Variants in CADM2 observed in about 807,000 individuals in gnomAD.
The protein encoded by CADM2 is immunoglobulin superfamily member 4D.
A neutral mutation model predicts 49.8 loss-of-function variants in CADM2; 12 were observed. That is an observed-to-expected ratio of 0.24 (90% CI 0.15 to 0.39). The LOEUF (loss-of-function observed/expected upper bound fraction) is 0.39. CADM2 is among the 10% of genes least tolerant of loss of function. CADM2 has a pLI of 1.00. For synonymous variants in CADM2, 214 were observed against 175.4 expected (o/e 1.22, Z -1.74); for missense variants, 378 against 492.3 (o/e 0.77, Z 2.20).
intron 3 of CADM2, among the ~76,000 whole-genome samples, chr3:85,853,934 A>G (rs1370223093): frequency 6.6e-6 from 1 of 152,188 alleles, no homozygotes; most frequent in Non-Finnish European, 1.5e-5. Flanking sequence ...TTAGGTGTAT[A>G]AATATAAAAG....
intron 1 of CADM2, among the ~76,000 whole-genome samples, chr3:85,294,510 G>C (rs966201950): frequency 5.3e-5 from 8 of 151,986 alleles, no homozygotes; most frequent in Non-Finnish European, 1.0e-4. Flanking sequence ...GAACAAAGCT[G>C]GAGGCATCAC....
chr3:85,878,353 A>C (rs756230342), intron 3 of CADM2, among the ~76,000 whole-genome samples: 4 of 152,136 alleles, frequency 2.6e-5, no homozygotes, highest in Non-Finnish European at 4.4e-5. Context: ...ACTATAATGA[A>C]GCTTACATAA....
At position 85,189,247 on chromosome 3, in the gene CADM2, A is replaced by C. The variant is rs186146501; in HGVS notation, c.61+229579A>C. Among the ~76,000 whole-genome samples the C allele has an allele frequency of 1.2e-3, 177 of 152,066 alleles. 3 individuals carry two copies. The East Asian group carries it at 0.024, about 20-fold the overall frequency. On this transcript the variant is annotated intron_variant, in intron 1 of 9. Coordinates refer to ENST00000383699, the MANE Select transcript of CADM2 (RefSeq NM_001167675.2). ...CATGCTTTTGATTTCTTGTGATTTG[A>C]AAGGAAGATGTTTTTCTCTGACAGA...
At chr3:85,780,641 T>G (rs1398853156) in intron 2 of CADM2, among the ~76,000 whole-genome samples, 1 of 152,232 alleles carries the variant, frequency 6.6e-6, no homozygotes, top group South Asian at 2.1e-4. Context: ...CTCAGGCATA[T>G]GTTGATCAGT....
At chr3:85,569,715 GA>G (rs771004772) in intron 1 of CADM2, among the ~76,000 whole-genome samples, 1,500 of 137,004 alleles carry the variant, frequency 0.011, 29 homozygotes, top group African/African-American at 0.035. Context: ...AAAAAAAAAA[GA>G]AAAAAAAAAG....
chr3:85,473,501 A>T (rs1369886487), intron 1 of CADM2, among the ~76,000 whole-genome samples: 1 of 152,034 alleles, frequency 6.6e-6, no homozygotes, highest in Non-Finnish European at 1.5e-5. Flanking sequence ...TTACAAAGAG[A>T]TGTTTCTGGA....
intron 1 of CADM2, among the ~76,000 whole-genome samples, chr3:85,401,317 A>C (rs888591291): frequency 6.6e-6 from 1 of 152,194 alleles, no homozygotes; most frequent in African/African-American, 2.4e-5. Flanking sequence ...GGATCCTCTC[A>C]GCCTCTGTCT....
intron 6 of CADM2, among the ~76,000 whole-genome samples, chr3:85,920,667 T>C (rs1718985242): frequency 6.6e-6 from 1 of 151,720 alleles, no homozygotes; most frequent in Non-Finnish European, 1.5e-5. Flanking sequence ...TTATAAAATA[T>C]AAGAATATTT....
In CADM2 at chr3:85,047,192, C is replaced by T. The variant is rs74703519; in HGVS notation, c.61+87524C>T. On this transcript the variant is annotated intron_variant, in intron 1 of 9. Coordinates refer to ENST00000383699, the MANE Select transcript of CADM2 (RefSeq NM_001167675.2). ...CATATTCCTTGGCTCCAGCCCTTTT[C>T]CTTTAGATCTGTCACCAGAGACACT... Among the ~76,000 whole-genome samples the T allele has an allele frequency of 3.2e-3, 484 of 152,212 alleles. 1 individual carries two copies. The highest frequency in any genetic ancestry group is 0.011 in the African/African-American group (464 of 41,526).
intron 1 of CADM2, among the ~76,000 whole-genome samples, chr3:85,121,657 T>C (rs2107592396): frequency 6.6e-6 from 1 of 152,308 alleles, no homozygotes; most frequent in South Asian, 2.1e-4. Flanking sequence ...TAGTATTCAA[T>C]ACCATTCATC....
chr3:85,021,499 G>A (rs1382161613), intron 1 of CADM2, among the ~76,000 whole-genome samples: 1 of 152,094 alleles, frequency 6.6e-6, no homozygotes. Context: ...CGCAGGCCGA[G>A]TGCAGTGACT....
intron 1 of CADM2, among the ~76,000 whole-genome samples, chr3:85,378,780 C>A (rs2033734285): frequency 1.3e-5 from 2 of 151,842 alleles, no homozygotes; most frequent in African/African-American, 4.8e-5. Flanking sequence ...ACAGTGTACA[C>A]TGCTTGGCTG....
chr3:85,309,757 C>T (rs2044300940), intron 1 of CADM2, among the ~76,000 whole-genome samples: 1 of 152,112 alleles, frequency 6.6e-6, no homozygotes, highest in African/African-American at 2.4e-5. Flanking sequence ...TCTGTAGATT[C>T]GCTAGGCTTT....
chr3:85,660,147 G>C (rs2065354651), intron 1 of CADM2, among the ~76,000 whole-genome samples: 1 of 152,092 alleles, frequency 6.6e-6, no homozygotes, highest in African/African-American at 2.4e-5. Context: ...CTCTCAGTGA[G>C]ATGCACCCTC....
chr3:86,042,900 C>A (rs998301413), intron 8 of CADM2, among the ~76,000 whole-genome samples: 8 of 152,142 alleles, frequency 5.3e-5, no homozygotes, highest in Non-Finnish European at 1.2e-4. Flanking sequence ...TGGGCTTCAT[C>A]CCTGGGATGC....
rs374422039 is a variant in CADM2 at position 85,312,646 on chromosome 3, A to C, written c.61+352978A>C. On this transcript the variant is annotated intron_variant, in intron 1 of 9. Transcript: ENST00000383699. ...TTCCAAGTTTACTTTGTTAATACTC[A>C]CTATAAAAATCTAACAGAAGGCTTA... is the stretch of plus-strand genomic sequence containing the variant. Among the ~76,000 whole-genome samples the C allele has an allele frequency of 1.8e-3, 275 of 152,260 alleles. 1 individual carries two copies. The highest frequency in any genetic ancestry group is 6.4e-3 in the African/African-American group (264 of 41,558).
intron 1 of CADM2, among the ~76,000 whole-genome samples, chr3:85,613,480 A>G (rs2063728309): frequency 6.6e-6 from 1 of 151,732 alleles, no homozygotes; most frequent in Non-Finnish European, 1.5e-5. Flanking sequence ...CCAGGTTTTC[A>G]TAAAGGACTG....
At chr3:85,373,504 G>T (rs996832829) in intron 1 of CADM2, among the ~76,000 whole-genome samples, 1 of 152,046 alleles carries the variant, frequency 6.6e-6, no homozygotes, top group African/African-American at 2.4e-5. Context: ...CAAGCTTTGG[G>T]TGGATCTACC....
At chr3:85,454,755 G>A (rs2037916943) in intron 1 of CADM2, among the ~76,000 whole-genome samples, 1 of 152,140 alleles carries the variant, frequency 6.6e-6, no homozygotes, top group Non-Finnish European at 1.5e-5. Flanking sequence ...CAACTGAAGT[G>A]CTAAAGCATT....
Sources: gnomAD v4.1 joint callset for allele counts (sites outside exome capture counted in the v4.1 genomes callset) on GRCh38, gnomAD v4.1.1 for gene constraint, MANE v1.5 for transcripts, NCBI Gene and HGNC (gene_info 2026-07-23, HGNC 2026-07-21) for gene names.